Variants in CTNNA2 observed in about 807,000 individuals in gnomAD.
CTNNA2 encodes catenin alpha-2.
A neutral mutation model predicts 101.0 loss-of-function variants in CTNNA2; 42 were observed. That is an observed-to-expected ratio of 0.42 (90% CI 0.32 to 0.54). The LOEUF (loss-of-function observed/expected upper bound fraction) is 0.54. Among genes scored for constraint, CTNNA2 ranks in the 20% least tolerant of loss-of-function variants. The pLI, the probability that CTNNA2 is intolerant of heterozygous loss-of-function variation, is 0.14. For synonymous variants in CTNNA2, 450 were observed against 456.4 expected, an observed-to-expected ratio of 0.99 and a Z score of 0.18; for missense variants, 871 against 1,223.1, an observed-to-expected ratio of 0.71 and a Z score of 4.29.
intron 9 of CTNNA2, among the ~76,000 whole-genome samples, chr2:80,494,012 G>A (rs1169190487): frequency 6.6e-6 from 1 of 152,120 alleles, no homozygotes; most frequent in African/African-American, 2.4e-5. Context: ...TAAGTGGTCT[G>A]CGTGAGAAAG....
intron 3 of CTNNA2, among the ~76,000 whole-genome samples, chr2:79,314,551 G>A (rs1676454268): frequency 6.6e-6 from 1 of 152,090 alleles, no homozygotes; most frequent in Non-Finnish European, 1.5e-5. Flanking sequence ...AGAGAATAGA[G>A]ACCCCAATGA....
At chr2:80,083,746 C>T (rs1699282715) in intron 7 of CTNNA2, among the ~76,000 whole-genome samples, 1 of 152,036 alleles carries the variant, frequency 6.6e-6, no homozygotes, top group Non-Finnish European at 1.5e-5. Flanking sequence ...TTCTTACTTC[C>T]TATATTATAC....
At chr2:79,766,563 A>G (rs962655042) in intron 3 of CTNNA2, among the ~76,000 whole-genome samples, 3 of 152,094 alleles carry the variant, frequency 2.0e-5, no homozygotes, top group African/African-American at 7.2e-5. Flanking sequence ...CTTGCATATT[A>G]TCTTTCTCTA....
At chr2:79,212,004 G>T (rs541183456) in intron 2 of CTNNA2, among the ~76,000 whole-genome samples, 2 of 152,162 alleles carry the variant, frequency 1.3e-5, no homozygotes, top group African/African-American at 4.8e-5. Context: ...ATTGATGATG[G>T]CCTGGATATG....
At chr2:79,620,894 C>T (rs767188264) in intron 1 of CTNNA2, among the ~76,000 whole-genome samples, 39 of 152,132 alleles carry the variant, frequency 2.6e-4, no homozygotes, top group Non-Finnish European at 3.7e-4. Flanking sequence ...TAAAAATTAA[C>T]CTTTGTGCAA....
chr2:79,411,495 GA>G (rs1286404727), intron 4 of CTNNA2, among the ~76,000 whole-genome samples: 4 of 152,038 alleles, frequency 2.6e-5, no homozygotes, highest in Non-Finnish European at 5.9e-5. Flanking sequence ...CAGCCAGAGA[GA>G]AAGGTCGGGT....
rs183263707 is a variant in CTNNA2, at chr2:79,980,104, G to A, written c.1056+70307G>A. 1.1e-4 allele frequency among the ~76,000 whole-genome samples: 16 copies of A among 152,202 alleles called. No individual in the cohort carries two copies. In the East Asian group the frequency reaches 2.5e-3, roughly 24 times the overall value. ...AAATTATCTGTGTTTTCTTAGATTT[G>A]CATTTCTTTTTCTCATCCTAATTTC... is the stretch of plus-strand genomic sequence containing the variant. On this transcript the variant is annotated intron_variant, in intron 7 of 18. Transcript: ENST00000402739.
intron 7 of CTNNA2, among the ~76,000 whole-genome samples, chr2:80,153,083 C>T (rs745823564): frequency 6.6e-6 from 1 of 152,162 alleles, no homozygotes; most frequent in Non-Finnish European, 1.5e-5. Context: ...ATTTGCAGCA[C>T]CATCCGGTGC....
At chr2:79,421,907 G>A (rs918808327) in intron 4 of CTNNA2, among the ~76,000 whole-genome samples, 1 of 152,142 alleles carries the variant, frequency 6.6e-6, no homozygotes, top group Non-Finnish European at 1.5e-5. Context: ...AGGAAGTATA[G>A]AGCCCATAAG....
chr2:80,072,463 T>C (rs1698406544), intron 7 of CTNNA2, among the ~76,000 whole-genome samples: 1 of 152,198 alleles, frequency 6.6e-6, no homozygotes. Context: ...CGTATCACTT[T>C]TATTTTCTAT....
intron 7 of CTNNA2, among the ~76,000 whole-genome samples, chr2:80,224,998 C>T (rs2862023): frequency 2.6e-5 from 4 of 152,092 alleles, no homozygotes; most frequent in African/African-American, 7.2e-5. Flanking sequence ...ATCCAAATCC[C>T]CACACTGCAC....
intron 7 of CTNNA2, among the ~76,000 whole-genome samples, chr2:80,179,621 C>A (rs182424302): frequency 6.6e-6 from 1 of 152,294 alleles, no homozygotes; most frequent in East Asian, 1.9e-4. Context: ...GATCCGCCCA[C>A]GACAGCCTCC....
Position 79,736,642 on chromosome 2 carries a change from G to A in CTNNA2, c.103-7745G>A, listed in dbSNP as rs193200383. Reference sequence around the variant, plus strand: ...ATTCACCCCAAAAATGTCTTGCTTTGGAATTTCTATTTTAATTTTTACTTG... The same window carrying A: ...ATTCACCCCAAAAATGTCTTGCTTTAGAATTTCTATTTTAATTTTTACTTG... On this transcript the variant is annotated intron_variant, in intron 2 of 18. Coordinates refer to ENST00000402739, the MANE Select transcript of CTNNA2 (RefSeq NM_001282597.3). Among the ~76,000 whole-genome samples, 502 of 152,086 alleles carry A rather than the reference G, an allele frequency of 3.3e-3. 2 individuals are homozygous for A. Among genetic ancestry groups the A allele is most frequent in the Non-Finnish European group, 5.5e-3 (376 of 67,972 alleles).
chr2:80,446,724 T>A (rs1443457988), intron 9 of CTNNA2, among the ~76,000 whole-genome samples: 2 of 152,202 alleles, frequency 1.3e-5, no homozygotes, highest in Admixed American at 6.5e-5. Flanking sequence ...GGTTGTGAAC[T>A]TGAGAAAATT....
At chr2:79,301,465 G>A (rs536390880) in intron 2 of CTNNA2, among the ~76,000 whole-genome samples, 4 of 152,186 alleles carry the variant, frequency 2.6e-5, no homozygotes, top group African/African-American at 4.8e-5. Flanking sequence ...GATGATTACT[G>A]TTGGCCCAAG....
Position 80,402,541 on chromosome 2 carries a change from A to T in CTNNA2, c.1137+9250A>T, listed in dbSNP as rs761779593. Among the ~76,000 whole-genome samples the T allele has an allele frequency of 4.7e-4, 72 of 152,000 alleles. 1 individual carries two copies. The highest frequency in any genetic ancestry group is 1.3e-4 in the Admixed American group (2 of 15,244). ...AAGATGCTGTCACCCAAGAAATTTC[A>T]GTGGCTTTAGAAGCTGTTTCCAATG... On this transcript the variant is annotated intron_variant, in intron 8 of 18. Coordinates refer to ENST00000402739, the MANE Select transcript of CTNNA2 (RefSeq NM_001282597.3).
chr2:79,361,486 T>C (rs899357179), intron 3 of CTNNA2, among the ~76,000 whole-genome samples: 1 of 152,200 alleles, frequency 6.6e-6, no homozygotes, highest in African/African-American at 2.4e-5. Flanking sequence ...GGTAACTACT[T>C]CTTGTTTTTG....
chr2:80,210,419 T>C (rs1330127237), intron 7 of CTNNA2, among the ~76,000 whole-genome samples: 2 of 151,720 alleles, frequency 1.3e-5, no homozygotes, highest in Admixed American at 1.3e-4. Flanking sequence ...TATGTCCAAG[T>C]GTTCTCATTG....
intron 7 of CTNNA2, among the ~76,000 whole-genome samples, chr2:80,089,018 A>C (rs1699616432): frequency 6.6e-6 from 1 of 151,962 alleles, no homozygotes; most frequent in South Asian, 2.1e-4. Flanking sequence ...TGTTTAGCTC[A>C]GTGTTTCCCA....
Sources: gnomAD v4.1 joint callset for allele counts (sites outside exome capture counted in the v4.1 genomes callset) on GRCh38, gnomAD v4.1.1 for gene constraint, MANE v1.5 for transcripts, NCBI Gene and HGNC (gene_info 2026-07-23, HGNC 2026-07-21) for gene names.